The following ASAP1 variants were observed in gnomAD, a reference collection of about 807,000 sequenced individuals.
ASAP1 encodes arf-GAP with SH3 domain, ANK repeat and PH domain-containing protein 1.
Under a neutral mutation model 145.2 loss-of-function variants are expected in ASAP1, and 43 were observed. The ratio of observed to expected loss-of-function variants is 0.30; its 90% confidence interval spans 0.23 to 0.38. ASAP1 has a LOEUF of 0.38. Ranked by LOEUF, ASAP1 falls within the 10% of genes least tolerant of loss-of-function variation. ASAP1 has a pLI of 1.00. For synonymous variants in ASAP1, 546 were observed against 515.5 expected, an observed-to-expected ratio of 1.06 and a Z score of -0.80; for missense variants, 1,018 against 1,355.3, an observed-to-expected ratio of 0.75 and a Z score of 3.91.
At chr8:130,230,636 T>G (rs922960593) in intron 4 of ASAP1, among the ~76,000 whole-genome samples, 5 of 147,616 alleles carry the variant, frequency 3.4e-5, no homozygotes, top group Admixed American at 3.3e-4. Flanking sequence ...AGAAATCTGT[T>G]TAGATTTTGC....
At chr8:130,378,904 A>G (rs1565264411) in intron 2 of ASAP1, among the ~76,000 whole-genome samples, 1 of 152,286 alleles carries the variant, frequency 6.6e-6, no homozygotes, top group East Asian at 1.9e-4. Context: ...ATGTTTTCTC[A>G]TCTGATCTCA....
At chr8:130,144,796 C>T (rs975946906) in intron 13 of ASAP1, among the ~76,000 whole-genome samples, 5 of 152,170 alleles carry the variant, frequency 3.3e-5, no homozygotes, top group African/African-American at 1.2e-4. Context: ...AACCATTTTA[C>T]TAATTTTTTT....
chr8:130,166,491 C>G (rs1413123965), intron 11 of ASAP1, among the ~76,000 whole-genome samples: 3 of 152,166 alleles, frequency 2.0e-5, no homozygotes, highest in African/African-American at 7.2e-5. Flanking sequence ...CTCCACCCAT[C>G]CTGCCCCAAA....
intron 13 of ASAP1, 130 bp from the exon 14 acceptor site, chr8:130,137,168 G>A: frequency 1.3e-6 from 1 of 754,134 alleles, no homozygotes; most frequent in Non-Finnish European, 2.3e-6. Context: ...TTTCAGCAAA[G>A]AAGAAACAGA....
intron 17 of ASAP1, 80 bp from the exon 18 acceptor site, chr8:130,124,184 G>A: frequency 9.8e-7 from 1 of 1,016,426 alleles, no homozygotes; most frequent in Non-Finnish European, 1.5e-6. Flanking sequence ...TTGTTTTTGA[G>A]ATTTATGAAT....
intron 1 of ASAP1, among the ~76,000 whole-genome samples, chr8:130,420,956 A>G (rs1829696765): frequency 6.6e-6 from 1 of 151,840 alleles, no homozygotes; most frequent in South Asian, 2.1e-4. Flanking sequence ...GTCTTCCCTC[A>G]CTGGCAATAA....
chr8:130,188,603 C>G (rs10956512), intron 5 of ASAP1, among the ~76,000 whole-genome samples: 105,703 of 151,136 alleles, frequency 0.7, 37,029 homozygotes, highest in South Asian at 0.78. Context: ...GTATGGTGGT[C>G]TACAACTGTA....
chr8:130,432,092 A>G, intron 1 of ASAP1, among the ~76,000 whole-genome samples: 1 of 91,428 alleles, frequency 1.1e-5, no homozygotes, highest in Non-Finnish European at 2.1e-5. Context: ...GGGAAGGGGG[A>G]GGAAAGGGAA....
chr8:130,169,777 T>C (rs1813454086), intron 9 of ASAP1, among the ~76,000 whole-genome samples: 1 of 152,194 alleles, frequency 6.6e-6, no homozygotes, highest in Non-Finnish European at 1.5e-5. Context: ...CTCATCTCCA[T>C]TTGTAAAACT....
At chr8:130,226,435 T>A (rs890732331) in intron 4 of ASAP1, among the ~76,000 whole-genome samples, 5 of 152,206 alleles carry the variant, frequency 3.3e-5, no homozygotes, top group Non-Finnish European at 5.9e-5. Flanking sequence ...CCACTAACTG[T>A]ATTAGTCTAT....
At chr8:130,245,676 G>A (rs1361113876) in intron 3 of ASAP1, among the ~76,000 whole-genome samples, 1 of 152,178 alleles carries the variant, frequency 6.6e-6, no homozygotes, top group Non-Finnish European at 1.5e-5. Flanking sequence ...CGTTTTGAGG[G>A]CAGGGCCTAT....
intron 15 of ASAP1, among the ~76,000 whole-genome samples, chr8:130,133,148 T>TAA (rs1310917144): frequency 2.2e-5 from 3 of 135,244 alleles, no homozygotes; most frequent in African/African-American, 8.2e-5. Context: ...TCATTAGAAA[T>TAA]AAAAAAAAAA....
intron 24 of ASAP1, among the ~76,000 whole-genome samples, chr8:130,098,029 G>A (rs2097522206): frequency 6.6e-6 from 1 of 152,094 alleles, no homozygotes; most frequent in African/African-American, 2.4e-5. Flanking sequence ...TGCATTTTCT[G>A]GAGCTACCAT....
chr8:130,287,586 A>C (rs921936762), intron 3 of ASAP1, among the ~76,000 whole-genome samples: 1 of 152,172 alleles, frequency 6.6e-6, no homozygotes, highest in Non-Finnish European at 1.5e-5. Flanking sequence ...AGCCTAACCC[A>C]CAAAGCCTAA....
At chr8:130,288,794 G>A (rs2089204813) in intron 3 of ASAP1, among the ~76,000 whole-genome samples, 1 of 152,242 alleles carries the variant, frequency 6.6e-6, no homozygotes, top group African/African-American at 2.4e-5. Context: ...TAGAAGGAAA[G>A]AAGGGAGGGA....
At chr8:130,293,330 A>G (rs1010651800) in intron 3 of ASAP1, among the ~76,000 whole-genome samples, 2 of 152,208 alleles carry the variant, frequency 1.3e-5, no homozygotes, top group African/African-American at 4.8e-5. Context: ...TTCCAAATCA[A>G]TAAGTGGTTG....
intron 14 of ASAP1, among the ~76,000 whole-genome samples, chr8:130,134,631 G>A (rs1185178236): frequency 6.6e-6 from 1 of 152,040 alleles, no homozygotes; most frequent in African/African-American, 2.4e-5. Flanking sequence ...TCATTCTGTC[G>A]AGGTTATTCT....
chr8:130,089,308 G>A (rs937450899), intron 25 of ASAP1, among the ~76,000 whole-genome samples: 1 of 152,198 alleles, frequency 6.6e-6, no homozygotes, highest in Non-Finnish European at 1.5e-5. Flanking sequence ...GGAATGTGGT[G>A]TACCTCAAGA....
intron 2 of ASAP1, among the ~76,000 whole-genome samples, chr8:130,395,041 C>G (rs1421657491): frequency 6.6e-6 from 1 of 152,164 alleles, no homozygotes; most frequent in East Asian, 1.9e-4. Context: ...AAACTAAGGA[C>G]AGTAGCAAGA....
Sources: gnomAD v4.1 joint callset for allele counts (sites outside exome capture counted in the v4.1 genomes callset) on GRCh38, gnomAD v4.1.1 for gene constraint, MANE v1.5 for transcripts, NCBI Gene and HGNC (gene_info 2026-07-23, HGNC 2026-07-21) for gene names.